CFHR5: variants seen among roughly 807,000 people sequenced by gnomAD.
CFHR5 encodes the protein complement factor H related 5.
Under a neutral mutation model 62.9 loss-of-function variants are expected in CFHR5, and 73 were observed. That is an observed-to-expected ratio of 1.16 (90% CI 0.96 to 1.41). The LOEUF (loss-of-function observed/expected upper bound fraction) is 1.41. Among genes scored for constraint, CFHR5 ranks in the 40% most tolerant of loss-of-function variants. CFHR5 has a pLI of 0.00. For missense variants in CFHR5, 779 were observed against 679.9 expected (o/e 1.15, Z -1.62); for synonymous variants, 249 against 227.2 (o/e 1.10, Z -0.86).
intron 7 of CFHR5, among the ~76,000 whole-genome samples, chr1:196,999,737 ATATATACACACACATATG>A (rs1654091347): frequency 1.3e-5 from 1 of 78,366 alleles, no homozygotes; most frequent in Non-Finnish European, 2.9e-5. Flanking sequence ...ACACACACAT[ATATATACACACACATATG>A]TATATACACA....
At position 196,999,697 on chromosome 1, in the gene CFHR5, A is replaced by C. The variant is rs879678886; in HGVS notation, c.1147+1393A>C. ...TTTGGGAAAAAGTATATATATATAT[A>C]TATATATATATATATATATATATAT... On this transcript the variant is annotated intron_variant, in intron 7 of 9. Transcript: ENST00000256785. Among the ~76,000 whole-genome samples, 10 of 91,022 alleles carry C rather than the reference A, an allele frequency of 1.1e-4. No individual in the cohort carries two copies. The East Asian group carries it at 5.5e-3, about 50-fold the overall frequency. 59.7% of individuals were successfully genotyped at this position (91,022 alleles called of 152,430 possible).
At chr1:196,978,821 A>G (rs987059720) in intron 1 of CFHR5, among the ~76,000 whole-genome samples, 4 of 152,142 alleles carry the variant, frequency 2.6e-5, no homozygotes, top group Non-Finnish European at 4.4e-5. Flanking sequence ...AAGGATTTCT[A>G]AAGGGGGGTG....
At chr1:197,008,429 A>G (rs992072574) in intron 9 of CFHR5, 58 bp from the exon 10 acceptor site, 12 of 1,017,778 alleles carry the variant, frequency 1.2e-5, no homozygotes, top group Middle Eastern at 3.3e-4. Flanking sequence ...TCACTATTCT[A>G]TGAAAGGTAA....
rs541614172 is a variant in CFHR5, at chr1:197,008,644, C to A, written c.1671C>A (p.Ile557=). The A allele has an allele frequency of 2.5e-6, 4 of 1,613,830 alleles. No individual in the cohort carries two copies. The highest frequency in any genetic ancestry group is 1.3e-5 in the African/African-American group (1 of 75,028). Residue 557 remains isoleucine (I), a synonymous_variant, in exon 10 of 10, where the codon ATC becomes ATA. Coordinates refer to ENST00000256785, the MANE Select transcript of CFHR5 (RefSeq NM_030787.4). ...TATCATCACCACCATTTCGAGCAAT[C>A]TGTCAGGAAGGGAAATTTGAATATC... is the stretch of plus-strand genomic sequence containing the variant. ...AMISSPPFRA[I]CQEGKFEYPI...
chr1:196,995,997 C>T lies in CFHR5; in HGVS notation c.791-25C>T, dbSNP rs377486480. ...AGATTTAAAATATTTTCAGAGTAAG[C>T]ACTCATTTTATTACATTTTCTTAGA... On this transcript the variant is annotated intron_variant, in intron 5 of 9. Coordinates refer to ENST00000256785, the MANE Select transcript of CFHR5 (RefSeq NM_030787.4). 57 of 1,609,072 alleles carry T rather than the reference C, an allele frequency of 3.5e-5. 2 individuals carry two copies. In the Middle Eastern group the frequency reaches 6.6e-4, roughly 19 times the overall value.
intron 1 of CFHR5, 143 bp from the exon 2 acceptor site, chr1:196,982,742 T>C (rs1318819599): frequency 1.4e-6 from 1 of 721,632 alleles, no homozygotes; most frequent in Non-Finnish European, 2.4e-6. Flanking sequence ...TCATTCCAAA[T>C]TAGTACACTG....
At chr1:196,989,927 T>A (rs1388636180) in intron 3 of CFHR5, among the ~76,000 whole-genome samples, 1 of 152,190 alleles carries the variant, frequency 6.6e-6, no homozygotes, top group African/African-American at 2.4e-5. Context: ...GATAACCTTG[T>A]TAACCTTTTG....
chr1:196,984,939 C>T (rs1653641413), intron 3 of CFHR5, among the ~76,000 whole-genome samples: 1 of 152,118 alleles, frequency 6.6e-6, no homozygotes, highest in Admixed American at 6.6e-5. Context: ...AAAAGGCTTC[C>T]CAATAAACAG....
intron 1 of CFHR5, among the ~76,000 whole-genome samples, chr1:196,980,628 G>GTGTGTGTC (rs1491195134): frequency 3.2e-4 from 45 of 142,568 alleles, no homozygotes; most frequent in African/African-American, 1.1e-3. Context: ...GTGTGTGTGT[G>GTGTGTGTC]TATCCCAGAA....
chr1:197,002,656 G>A lies in CFHR5; in HGVS notation c.1322G>A (p.Arg441His), dbSNP rs776063846. 3.4e-5 allele frequency: 54 copies of A among 1,611,896 alleles called. No homozygotes were observed. In the Admixed American group the frequency reaches 7.3e-4, roughly 22 times the overall value. The change falls in exon 8 of 10, where the codon CGC becomes CAC. Residue 441 changes from arginine to histidine, a missense_variant. Physicochemically the swap from Arg to His is conservative, Grantham distance 29. Coordinates refer to ENST00000256785, the MANE Select transcript of CFHR5 (RefSeq NM_030787.4). ...CKDGRWQSLP[R>H]CVESTAYCGP... ...GATGGACGATGGCAATCATTACCAC[G>A]CTGTGTTGGTTAGTAGTTTATTTCT...
chr1:196,995,638 A>G, intron 4 of CFHR5, 79 bp from the exon 5 acceptor site: 1 of 1,262,856 alleles, frequency 7.9e-7, no homozygotes. Flanking sequence ...ATTAATTTCT[A>G]AGTCAAAAAT....
chr1:196,977,988 A>T (rs144266354), intron 1 of CFHR5, among the ~76,000 whole-genome samples: 1 of 152,144 alleles, frequency 6.6e-6, no homozygotes, highest in East Asian at 1.9e-4. Context: ...AAGGAGAGAA[A>T]ATCTGCTATA....
In CFHR5 at chr1:197,004,611, A is replaced by G; in HGVS notation, c.1331-50A>G. ...ATGATACATGATGCTTCATTATATT[A>G]TTTTGTTTAAACTAACATAATGTCT... On this transcript the variant is annotated intron_variant, in intron 8 of 9. Transcript: ENST00000256785. The G allele has an allele frequency of 2.2e-6, 3 of 1,387,270 alleles. No homozygotes were observed. In the South Asian group the frequency reaches 3.5e-5, roughly 16 times the overall value. The allele number at this position is 1,387,270 out of a possible 1,614,324, so 85.9% of individuals were successfully genotyped here. A position where few individuals can be genotyped will look rare whatever the true frequency, so the allele number is the denominator to read the frequency against.
In CFHR5 at chr1:196,996,602, C is replaced by T. The variant is rs188134275; in HGVS notation, c.970+401C>T. 4.5e-3 allele frequency among the ~76,000 whole-genome samples: 681 copies of T among 152,182 alleles called. 4 individuals are homozygous for T. Among genetic ancestry groups the T allele is most frequent in the Non-Finnish European group, 7.9e-3 (538 of 67,992 alleles). On this transcript the variant is annotated intron_variant, in intron 6 of 9. Transcript: ENST00000256785. The stretch of plus-strand genomic sequence containing the variant: ...GATATTGTATTTCTACAAATGATGG[C>T]GATTTAATTTCTTTTATTTCATTGC...
At position 196,978,297 on chromosome 1, in the gene CFHR5, G is replaced by A. The variant is rs1653448455; in HGVS notation, c.58+575G>A. Among the ~76,000 whole-genome samples, 4 of 152,096 alleles carry A rather than the reference G, an allele frequency of 2.6e-5. No individual in the cohort carries two copies. The South Asian group carries it at 8.4e-4, about 32-fold the overall frequency. On this transcript the variant is annotated intron_variant, in intron 1 of 9. Transcript: ENST00000256785. Reference sequence around the variant, plus strand: ...CTGAGCTCTTCCACAAATTTCAAAAGTGAAATAATATATCACTTCTTTATT... The same window carrying A: ...CTGAGCTCTTCCACAAATTTCAAAAATGAAATAATATATCACTTCTTTATT...
intron 1 of CFHR5, among the ~76,000 whole-genome samples, chr1:196,982,306 T>C (rs1273460796): frequency 2.0e-5 from 3 of 152,300 alleles, no homozygotes; most frequent in African/African-American, 7.2e-5. Context: ...TGTGAGGATA[T>C]TGTTCTTGAA....
rs151134004 is a variant in CFHR5, at chr1:196,994,225, T to G, written c.576T>G (p.Phe192Leu). The G allele has an allele frequency of 1.6e-4, 266 of 1,613,676 alleles. No individual in the cohort carries two copies. Among genetic ancestry groups the G allele is most frequent in the Non-Finnish European group, 2.0e-4 (239 of 1,179,756 alleles). ...VGSDSVQCYQ[F>L]GWSPNFPTCK... ...CAGACTCAGTTCAATGTTACCAATT[T>G]GGGTGGTCACCTAACTTTCCAACAT... is the stretch of plus-strand genomic sequence containing the variant. Residue 192 changes from phenylalanine to leucine, a missense_variant, in exon 4 of 10, where the codon TTT becomes TTG. Coordinates refer to ENST00000256785, the MANE Select transcript of CFHR5 (RefSeq NM_030787.4).
At chr1:196,979,381 A>G (rs917322342) in intron 1 of CFHR5, among the ~76,000 whole-genome samples, 5 of 152,028 alleles carry the variant, frequency 3.3e-5, no homozygotes, top group Non-Finnish European at 1.5e-5. Context: ...GTGTACTTAC[A>G]CAAACCTAGA....
At chr1:196,985,418 T>C (rs1276872491) in intron 3 of CFHR5, among the ~76,000 whole-genome samples, 2 of 151,844 alleles carry the variant, frequency 1.3e-5, no homozygotes, top group Non-Finnish European at 2.9e-5. Context: ...CAGCTGGAAC[T>C]GCGATAGTTT....
Sources: allele counts gnomAD v4.1 joint callset (sites outside exome capture counted in the v4.1 genomes callset), GRCh38; gene constraint gnomAD v4.1.1; transcripts MANE v1.5; gene names NCBI Gene and HGNC (gene_info 2026-07-23, HGNC 2026-07-21).